Variants in SMAP1 observed in about 807,000 individuals in gnomAD.
SMAP1 encodes small ArfGAP 1, also known as stromal membrane-associated protein 1.
A neutral mutation model predicts 58.5 loss-of-function variants in SMAP1; 24 were observed. The ratio of observed to expected loss-of-function variants is 0.41; its 90% confidence interval spans 0.30 to 0.58. The LOEUF (loss-of-function observed/expected upper bound fraction) is 0.58, where lower values mean the gene tolerates loss of function less well. SMAP1 is among the 20% of genes least tolerant of loss of function. The pLI is 0.29. For missense variants in SMAP1, 563 were observed against 566.3 expected (o/e 0.99, Z 0.06); for synonymous variants, 216 against 196.6 (o/e 1.10, Z -0.82).
intron 6 of SMAP1, among the ~76,000 whole-genome samples, chr6:70,827,105 C>G (rs1050060130): frequency 1.3e-5 from 2 of 152,056 alleles, no homozygotes; most frequent in East Asian, 1.9e-4. Context: ...ACCGGATAGA[C>G]AGCTATCCAA....
intron 4 of SMAP1, among the ~76,000 whole-genome samples, chr6:70,775,964 C>T (rs995241478): frequency 1.3e-5 from 2 of 152,102 alleles, no homozygotes; most frequent in African/African-American, 2.4e-5. Flanking sequence ...GTTTCATCTT[C>T]AGTAATAGAT....
At chr6:70,774,460 A>C (rs1455967454) in intron 4 of SMAP1, among the ~76,000 whole-genome samples, 1 of 152,228 alleles carries the variant, frequency 6.6e-6, no homozygotes, top group Admixed American at 6.5e-5. Flanking sequence ...CTCATTTTTC[A>C]TACAAACTGG....
chr6:70,825,347 G>A (rs1770069957), intron 6 of SMAP1, among the ~76,000 whole-genome samples: 2 of 152,142 alleles, frequency 1.3e-5, no homozygotes, highest in African/African-American at 4.8e-5. Context: ...TGTCCATGCT[G>A]GGGTTAAAAA....
intron 6 of SMAP1, 63 bp from the exon 7 acceptor site, chr6:70,836,878 G>T: frequency 1.1e-5 from 14 of 1,301,266 alleles, no homozygotes; most frequent in South Asian, 3.2e-5. Context: ...TAATTAATTG[G>T]GGCTTAAAAT....
intron 6 of SMAP1, among the ~76,000 whole-genome samples, chr6:70,805,254 C>A (rs1308783785): frequency 6.6e-6 from 1 of 152,096 alleles, no homozygotes; most frequent in Non-Finnish European, 1.5e-5. Context: ...TTAATTTGAT[C>A]TTCAATCACT....
intron 7 of SMAP1, among the ~76,000 whole-genome samples, chr6:70,842,592 A>T (rs1770842486): frequency 1.3e-5 from 2 of 152,190 alleles, no homozygotes; most frequent in African/African-American, 4.8e-5. Flanking sequence ...GAGAGGAGTA[A>T]AATTGACCTC....
At chr6:70,704,869 A>G (rs1582032448) in intron 1 of SMAP1, among the ~76,000 whole-genome samples, 2 of 152,358 alleles carry the variant, frequency 1.3e-5, no homozygotes, top group South Asian at 4.1e-4. Flanking sequence ...GTTCTAATAT[A>G]TGGAGACATT....
intron 6 of SMAP1, among the ~76,000 whole-genome samples, chr6:70,832,368 T>C (rs1770396115): frequency 6.6e-6 from 1 of 152,202 alleles, no homozygotes; most frequent in African/African-American, 2.4e-5. Context: ...TAGTATTGGG[T>C]TTAAATGTAC....
chr6:70,784,090 T>G (rs1182785176), intron 4 of SMAP1, among the ~76,000 whole-genome samples: 1 of 152,162 alleles, frequency 6.6e-6, no homozygotes, highest in Non-Finnish European at 1.5e-5. Flanking sequence ...CCCATCAGAC[T>G]AACAGCTGAC....
chr6:70,687,398 T>A (rs1766978583), intron 1 of SMAP1, among the ~76,000 whole-genome samples: 1 of 152,162 alleles, frequency 6.6e-6, no homozygotes, highest in African/African-American at 2.4e-5. Context: ...TATTGTACCA[T>A]GTAATTTGCT....
At chr6:70,782,993 T>G (rs527458147) in intron 4 of SMAP1, among the ~76,000 whole-genome samples, 75 of 152,302 alleles carry the variant, frequency 4.9e-4, no homozygotes, top group Non-Finnish European at 8.1e-4. Flanking sequence ...CCTCCTCAAG[T>G]GGGTCCCTGA....
At chr6:70,789,769 GT>G (rs1768264933) in intron 4 of SMAP1, among the ~76,000 whole-genome samples, 1 of 149,598 alleles carries the variant, frequency 6.7e-6, no homozygotes, top group Non-Finnish European at 1.5e-5. Context: ...AATGAAAAAG[GT>G]TTTTACTTGA....
intron 3 of SMAP1, among the ~76,000 whole-genome samples, chr6:70,764,677 G>C (rs1404213145): frequency 6.6e-6 from 1 of 152,156 alleles, no homozygotes; most frequent in African/African-American, 2.4e-5. Flanking sequence ...AAGTATTACT[G>C]TTCATTGACA....
chr6:70,745,148 C>T (rs1276887307), intron 2 of SMAP1, among the ~76,000 whole-genome samples: 1 of 152,136 alleles, frequency 6.6e-6, no homozygotes, highest in Non-Finnish European at 1.5e-5. Context: ...ATGGTAGTTT[C>T]TTTTGCTGTG....
intron 2 of SMAP1, among the ~76,000 whole-genome samples, chr6:70,738,694 A>G (rs544491672): frequency 6.6e-6 from 1 of 152,306 alleles, no homozygotes; most frequent in Non-Finnish European, 1.5e-5. Flanking sequence ...CTGTGGCCTC[A>G]ACTTGAATTC....
rs538010355 is a variant in SMAP1, at chr6:70,801,166, C to T, written c.576+2429C>T. Reference sequence around the variant, plus strand: ...AAAAGTGTTCTTGTTTCTCCACATCCTCTCCAACATCTGTTGCTTCCTGAC... The same window carrying T: ...AAAAGTGTTCTTGTTTCTCCACATCTTCTCCAACATCTGTTGCTTCCTGAC... On this transcript the variant is annotated intron_variant, in intron 6 of 10. Transcript: ENST00000370455. Among the ~76,000 whole-genome samples, 58 of 152,300 alleles carry T rather than the reference C, an allele frequency of 3.8e-4. No individual in the cohort carries two copies. The Middle Eastern group carries it at 0.017, about 45-fold the overall frequency.
intron 4 of SMAP1, among the ~76,000 whole-genome samples, chr6:70,779,654 G>A (rs902429586): frequency 2.0e-5 from 3 of 152,034 alleles, no homozygotes; most frequent in African/African-American, 4.8e-5. Context: ...CTGCCATTTC[G>A]AGTTTCCCTG....
At chr6:70,672,323 A>G (rs1581973580) in intron 1 of SMAP1, among the ~76,000 whole-genome samples, 1 of 152,106 alleles carries the variant, frequency 6.6e-6, no homozygotes, top group East Asian at 1.9e-4. Flanking sequence ...TGCTGTTTCA[A>G]GACCTTTGCA....
intron 5 of SMAP1, among the ~76,000 whole-genome samples, chr6:70,794,698 A>G (rs1482725736): frequency 1.3e-5 from 2 of 151,820 alleles, no homozygotes; most frequent in Non-Finnish European, 2.9e-5. Context: ...GATGGTTTCT[A>G]GCCTCATCCA....
Sources: gnomAD v4.1 joint callset for allele counts (sites outside exome capture counted in the v4.1 genomes callset) on GRCh38, gnomAD v4.1.1 for gene constraint, MANE v1.5 for transcripts, NCBI Gene and HGNC (gene_info 2026-07-23, HGNC 2026-07-21) for gene names.